FNDC3A: variants seen among roughly 807,000 people sequenced by gnomAD.
FNDC3A encodes fibronectin type-III domain-containing protein 3A.
Under a neutral mutation model 148.9 loss-of-function variants are expected in FNDC3A, and 32 were observed. The ratio of observed to expected loss-of-function variants is 0.21; its 90% CI spans 0.16 to 0.29. The LOEUF is 0.29. FNDC3A is among the 10% of genes least tolerant of loss of function. FNDC3A has a pLI of 1.00. For missense variants in FNDC3A, 1,191 were observed against 1,452.8 expected, an observed-to-expected ratio of 0.82 and a Z score of 2.93; for synonymous variants, 472 against 473.6, an observed-to-expected ratio of 1.00 and a Z score of 0.04.
intron 2 of FNDC3A, among the ~76,000 whole-genome samples, chr13:49,018,858 G>A (rs973347224): frequency 6.6e-5 from 10 of 152,230 alleles, no homozygotes; most frequent in African/African-American, 2.4e-4. Context: ...GGAGTACCCG[G>A]CCGTGTGAGG....
At chr13:48,986,352 T>G (rs1330017878) in intron 1 of FNDC3A, among the ~76,000 whole-genome samples, 3 of 147,002 alleles carry the variant, frequency 2.0e-5, no homozygotes, top group Non-Finnish European at 4.5e-5. Flanking sequence ...AATCAGAAGC[T>G]TAAGAGGAAG....
intron 14 of FNDC3A, among the ~76,000 whole-genome samples, chr13:49,183,486 G>C (rs1445127674): frequency 1.3e-5 from 2 of 152,170 alleles, no homozygotes. Context: ...TGGGTGGGGG[G>C]AGATTATCTT....
chr13:49,039,027 C>T (rs144072685), intron 2 of FNDC3A, among the ~76,000 whole-genome samples: 289 of 152,248 alleles, frequency 1.9e-3, no homozygotes, highest in African/African-American at 6.7e-3. Context: ...ATCATCCCTT[C>T]CATCTGGTGC....
intron 14 of FNDC3A, among the ~76,000 whole-genome samples, chr13:49,183,197 A>C (rs1448000599): frequency 6.6e-6 from 1 of 152,156 alleles, no homozygotes; most frequent in African/African-American, 2.4e-5. Context: ...TCTTATGTAC[A>C]GGGCTTTCTG....
chr13:49,016,382 T>G (rs1028272392), intron 2 of FNDC3A, among the ~76,000 whole-genome samples: 1 of 152,188 alleles, frequency 6.6e-6, no homozygotes, highest in African/African-American at 2.4e-5. Context: ...TTTTCTAGTT[T>G]ATTTGCGTAG....
At chr13:49,065,345 C>T (rs1279508531) in intron 2 of FNDC3A, among the ~76,000 whole-genome samples, 2 of 152,232 alleles carry the variant, frequency 1.3e-5, no homozygotes, top group East Asian at 1.9e-4. Context: ...AACCAAGTCA[C>T]ATGGCCAAGC....
chr13:48,993,053 A>G (rs1479913307), intron 1 of FNDC3A, among the ~76,000 whole-genome samples: 1 of 152,206 alleles, frequency 6.6e-6, no homozygotes, highest in African/African-American at 2.4e-5. Flanking sequence ...TCCAAAGGCA[A>G]TTAAAAATTC....
chr13:48,985,052 T>C (rs1323746825), intron 1 of FNDC3A, among the ~76,000 whole-genome samples: 1 of 152,080 alleles, frequency 6.6e-6, no homozygotes, highest in Admixed American at 6.5e-5. Flanking sequence ...TAAAAACTCG[T>C]TGGAGTAGAG....
rs1013467068 is a variant in FNDC3A, at chr13:49,198,180, A to G, written c.2689A>G (p.Ile897Val). 6.8e-6 allele frequency: 11 copies of G among 1,614,190 alleles called. No individual in the cohort carries two copies. Among genetic ancestry groups the G allele is most frequent in the Admixed American group, 1.7e-5 (1 of 60,034 alleles). ...DHGSEILAYS[I>V]DFGDKQSLTV... The stretch of plus-strand genomic sequence containing the variant: ...TGGTTCGGAAATCCTTGCCTACAGC[A>G]TAGACTTTGGAGATAAACAATCCCT... Residue 897 changes from isoleucine (I) to valine (V), a missense_variant, in exon 22 of 26, where the codon ATA becomes GTA. Ile to Val is a conservative substitution (Grantham distance 29, BLOSUM62 3). Around this residue, in one of 3 missense-constraint regions of FNDC3A, gnomAD observed 751 missense variants for 944.0 expected, o/e 0.80. Coordinates refer to ENST00000492622, the MANE Select transcript of FNDC3A (RefSeq NM_001079673.2).
At chr13:49,135,133 G>T (rs549616886) in intron 5 of FNDC3A, among the ~76,000 whole-genome samples, 1 of 152,106 alleles carries the variant, frequency 6.6e-6, no homozygotes, top group African/African-American at 2.4e-5. Flanking sequence ...GGGATTACAG[G>T]CGTGAGCCAC....
At chr13:49,060,071 G>T (rs577885214) in intron 2 of FNDC3A, among the ~76,000 whole-genome samples, 213 of 152,286 alleles carry the variant, frequency 1.4e-3, no homozygotes, top group African/African-American at 5.0e-3. Context: ...ACATAAAATG[G>T]TGCAGCCACA....
Position 49,032,923 on chromosome 13 carries a change from A to T in FNDC3A, c.99+26634A>T, listed in dbSNP as rs547810938. On this transcript the variant is annotated intron_variant, in intron 2 of 25. Transcript: ENST00000492622. ...TTTTTAAAGCCTATTTGCATTTTAA[A>T]TATATGTTTATATAATTTAAATGTG... Among the ~76,000 whole-genome samples the T allele has an allele frequency of 6.6e-5, 10 of 152,230 alleles. No individual in the cohort carries two copies. In the East Asian group the frequency reaches 1.7e-3, roughly 26 times the overall value.
intron 3 of FNDC3A, among the ~76,000 whole-genome samples, chr13:49,109,117 A>T (rs559117277): frequency 6.6e-6 from 1 of 152,312 alleles, no homozygotes; most frequent in South Asian, 2.1e-4. Context: ...AATGATGCTC[A>T]CTTCACTTGT....
Position 49,186,123 on chromosome 13 carries a change from A to T in FNDC3A, c.1756+21A>T, listed in dbSNP as rs761020329. 5.8e-6 allele frequency: 9 copies of T among 1,560,790 alleles called. 1 individual carries two copies. In the South Asian group the frequency reaches 1.0e-4, roughly 18 times the overall value. On this transcript the variant is annotated intron_variant, in intron 15 of 25. Transcript: ENST00000492622. ...CTGGGGTAAGATATTATGCATGTTT[A>T]TACATTATTACTTTTGCGTTTGATT...
intron 2 of FNDC3A, among the ~76,000 whole-genome samples, chr13:49,020,011 C>A (rs1444528979): frequency 6.6e-6 from 1 of 152,110 alleles, no homozygotes; most frequent in Non-Finnish European, 1.5e-5. Flanking sequence ...AATACTTCAT[C>A]TTAAGTTTGG....
intron 1 of FNDC3A, among the ~76,000 whole-genome samples, chr13:49,004,383 A>G (rs186408538): frequency 1.1e-3 from 172 of 152,200 alleles, no homozygotes; most frequent in African/African-American, 3.7e-3. Flanking sequence ...CAATTTATAA[A>G]TGAAACTTTA....
chr13:49,199,622 G>A (rs368733785), intron 23 of FNDC3A, among the ~76,000 whole-genome samples: 2 of 152,050 alleles, frequency 1.3e-5, no homozygotes, highest in Non-Finnish European at 2.9e-5. Flanking sequence ...CACTGCACCC[G>A]GCCCTGAAAC....
chr13:49,067,092 G>A (rs923177648), intron 2 of FNDC3A, among the ~76,000 whole-genome samples: 1 of 152,120 alleles, frequency 6.6e-6, no homozygotes, highest in African/African-American at 2.4e-5. Flanking sequence ...TTGTAACCTG[G>A]AAAGCCAAAG....
Position 49,207,616 on chromosome 13 carries a change from GTCT to G in FNDC3A, c.*226_*228del. ...AATTTTGTTTTTTTTGTTAGGGTGG[GTCT>G]TCTTTTTTTCTTTCCCTCTCTCTTT... On this transcript the variant is annotated 3_prime_UTR_variant, in exon 26 of 26. Transcript: ENST00000492622. 7.3e-6 allele frequency: 3 copies of G among 409,150 alleles called. No individual in the cohort carries two copies. Among genetic ancestry groups the G allele is most frequent in the Non-Finnish European group, 4.3e-6 (1 of 230,274 alleles). The allele number at this position is 409,150 out of a possible 1,614,324, so 25.3% of individuals were successfully genotyped here.
Sources: allele counts gnomAD v4.1 joint callset (sites outside exome capture counted in the v4.1 genomes callset), GRCh38; gene constraint gnomAD v4.1.1; regional missense constraint gnomAD v4.1.1; transcripts MANE v1.5; gene names NCBI Gene and HGNC (gene_info 2026-07-23, HGNC 2026-07-21).